The following RASGEF1C variants were observed in gnomAD, a reference collection of about 807,000 sequenced individuals.
RASGEF1C encodes ras-GEF domain-containing family member 1C.
RASGEF1C carries 27 observed loss-of-function variants against 58.1 expected under a neutral mutation model. That is an observed-to-expected ratio of 0.46 (90% confidence interval 0.34 to 0.64). The LOEUF is 0.64. Ranked by LOEUF, RASGEF1C falls within the 30% of genes least tolerant of loss-of-function variation. The pLI is 0.01. For missense variants in RASGEF1C, 502 were observed against 605.1 expected (o/e 0.83, Z 1.79); for synonymous variants, 243 against 246.3 (o/e 0.99, Z 0.13).
intron 1 of RASGEF1C, among the ~76,000 whole-genome samples, chr5:180,206,785 G>A (rs1403705054): frequency 6.6e-6 from 1 of 152,200 alleles, no homozygotes; most frequent in Non-Finnish European, 1.5e-5. Flanking sequence ...CCATGAACTG[G>A]TAAGAAGTTA....
intron 12 of RASGEF1C, among the ~76,000 whole-genome samples, chr5:180,102,918 G>A (rs553657228): frequency 6.6e-5 from 10 of 152,250 alleles, no homozygotes; most frequent in South Asian, 2.1e-4. Context: ...GGAGAATCTC[G>A]TCTCTATCTT....
Position 180,136,398 on chromosome 5 carries a change from GGCCCACGACGTCCTTAAGGT to G in RASGEF1C, c.398_417del (p.His133ProfsTer6). ...CCCACCTCGTCACAGGGGGCGATGC[GGCCCACGACGTCCTTAAGGT>G]GCCCGATAGTCGACTCTTCCTGGAA... is the stretch of plus-strand genomic sequence containing the variant. On this transcript the variant is annotated frameshift_variant, in exon 4 of 14. Coordinates refer to ENST00000361132, the MANE Select transcript of RASGEF1C (RefSeq NM_175062.4). LOFTEE classifies it high-confidence loss of function. The G allele has an allele frequency of 6.4e-7, 1 of 1,558,420 alleles. No individual in the cohort carries two copies. Among genetic ancestry groups the G allele is most frequent in the Non-Finnish European group, 8.7e-7 (1 of 1,151,198 alleles).
intron 1 of RASGEF1C, among the ~76,000 whole-genome samples, chr5:180,176,974 C>G (rs943780414): frequency 2.6e-5 from 4 of 152,222 alleles, no homozygotes; most frequent in Non-Finnish European, 4.4e-5. Flanking sequence ...ATGTCTCCCC[C>G]TGGCATAACC....
intron 12 of RASGEF1C, among the ~76,000 whole-genome samples, chr5:180,109,469 A>G (rs1415235901): frequency 6.6e-6 from 1 of 152,180 alleles, no homozygotes; most frequent in Non-Finnish European, 1.5e-5. Context: ...AAAAAAAATA[A>G]TAATAATAAT....
At chr5:180,183,667 A>G (rs1387698851) in intron 1 of RASGEF1C, among the ~76,000 whole-genome samples, 1 of 152,108 alleles carries the variant, frequency 6.6e-6, no homozygotes, top group African/African-American at 2.4e-5. Flanking sequence ...TCTACTAAAA[A>G]TACAAAATTA....
intron 1 of RASGEF1C, among the ~76,000 whole-genome samples, chr5:180,163,253 C>CTTTTTTT (rs1561747791): frequency 5.9e-4 from 3 of 5,056 alleles, no homozygotes; most frequent in Non-Finnish European, 1.0e-3. Flanking sequence ...TTTTTTTTTT[C>CTTTTTTT]CAGCCTATTG....
chr5:180,117,720 G>A (rs1046843062), intron 10 of RASGEF1C, among the ~76,000 whole-genome samples: 1 of 152,152 alleles, frequency 6.6e-6, no homozygotes, highest in Non-Finnish European at 1.5e-5. Flanking sequence ...GTGGCTGGGC[G>A]CAGTGGCTCA....
At chr5:180,159,958 G>A (rs1467384582) in intron 1 of RASGEF1C, among the ~76,000 whole-genome samples, 2 of 152,210 alleles carry the variant, frequency 1.3e-5, no homozygotes, top group African/African-American at 4.8e-5. Flanking sequence ...CAAGCTTCGA[G>A]CACATTGTTT....
In RASGEF1C at chr5:180,168,037, C is replaced by T. The variant is rs1376299063; in HGVS notation, c.-6-29979G>A. ...GTGTTTTATTTTGTACTATAGTTGT[C>T]AAAGCCTATGATGGGTTAATGCCAT... On this transcript the variant is annotated intron_variant, in intron 1 of 13. Coordinates refer to ENST00000361132, the MANE Select transcript of RASGEF1C (RefSeq NM_175062.4). This position sits in a 1 kb window ranked among gnomAD's most constrained non-coding sequence, Gnocchi z 6.0. Among the ~76,000 whole-genome samples, 1 of 152,116 alleles carries T rather than the reference C, an allele frequency of 6.6e-6. No homozygotes were observed. Among genetic ancestry groups the T allele is most frequent in the Non-Finnish European group, 1.5e-5 (1 of 68,038 alleles).
At chr5:180,109,374 C>T (rs1041151047) in intron 12 of RASGEF1C, among the ~76,000 whole-genome samples, 2 of 152,116 alleles carry the variant, frequency 1.3e-5, no homozygotes, top group Admixed American at 6.5e-5. Context: ...AGGAGAATGT[C>T]GTGAACCCGG....
At chr5:180,202,385 T>C (rs1228005773) in intron 1 of RASGEF1C, among the ~76,000 whole-genome samples, 1 of 152,112 alleles carries the variant, frequency 6.6e-6, no homozygotes. Context: ...AAGACTTAAA[T>C]ATGCATATTC....
At chr5:180,127,335 G>A (rs1275996624) in intron 6 of RASGEF1C, among the ~76,000 whole-genome samples, 2 of 152,194 alleles carry the variant, frequency 1.3e-5, no homozygotes, top group Admixed American at 6.5e-5. Flanking sequence ...GAGCAGCGCG[G>A]CCCACGGCCT....
chr5:180,173,738 C>T (rs1045225537), intron 1 of RASGEF1C, among the ~76,000 whole-genome samples: 69 of 152,124 alleles, frequency 4.5e-4, no homozygotes, highest in Middle Eastern at 3.4e-3. Context: ...CATGGTGAAA[C>T]CCCGTCTCTA....
At chr5:180,153,060 T>C (rs73813820) in intron 1 of RASGEF1C, among the ~76,000 whole-genome samples, 3,483 of 152,294 alleles carry the variant, frequency 0.023, 54 homozygotes, top group African/African-American at 0.036. Flanking sequence ...CATATGTTAC[T>C]GCTTTTGAAT....
chr5:180,153,727 T>C (rs528097132), intron 1 of RASGEF1C, among the ~76,000 whole-genome samples: 2 of 152,378 alleles, frequency 1.3e-5, no homozygotes, highest in Admixed American at 1.3e-4. Flanking sequence ...CTACAATTAA[T>C]GGTAATTTCA....
intron 1 of RASGEF1C, among the ~76,000 whole-genome samples, chr5:180,146,029 G>C (rs1334089793): frequency 6.6e-6 from 1 of 152,168 alleles, no homozygotes; most frequent in African/African-American, 2.4e-5. Context: ...TGTCCTTTGA[G>C]GCACAAATGT....
rs571603077 is a variant in RASGEF1C at position 180,155,418 on chromosome 5, C to T, written c.-6-17360G>A. On this transcript the variant is annotated intron_variant, in intron 1 of 13. Transcript: ENST00000361132. The surrounding 1 kb of genome is among the most constrained non-coding windows in gnomAD (Gnocchi z 5.2). The stretch of plus-strand genomic sequence containing the variant: ...CCTAGGCCGAGCCCAGATCTGCTTG[C>T]GGAGGCTGAGAATGCACCTGGCCTT... Among the ~76,000 whole-genome samples, 1 of 152,270 alleles carries T rather than the reference C, an allele frequency of 6.6e-6. No homozygotes were observed. The highest frequency in any genetic ancestry group is 1.9e-4 in the East Asian group (1 of 5,174).
chr5:180,132,516 G>C (rs988366074), intron 4 of RASGEF1C, among the ~76,000 whole-genome samples: 5 of 152,216 alleles, frequency 3.3e-5, no homozygotes, highest in African/African-American at 1.2e-4. Flanking sequence ...CTGAATAACA[G>C]GCAGAGGTGG....
Position 180,171,728 on chromosome 5 carries a change from G to A in RASGEF1C, c.-6-33670C>T, listed in dbSNP as rs576236044. Among the ~76,000 whole-genome samples, 5 of 152,338 alleles carry A rather than the reference G, an allele frequency of 3.3e-5. No individual in the cohort carries two copies. The South Asian group carries it at 1.0e-3, about 32-fold the overall frequency. On this transcript the variant is annotated intron_variant, in intron 1 of 13. Transcript: ENST00000361132. ...CCACACCTCCTGACAAACACCCTTCGGCACTCTGGAGAACAGCGAATGCGT... is the reference window on the plus strand; with the variant it reads ...CCACACCTCCTGACAAACACCCTTCAGCACTCTGGAGAACAGCGAATGCGT...
Sources: allele counts gnomAD v4.1 joint callset (sites outside exome capture counted in the v4.1 genomes callset), GRCh38; gene constraint gnomAD v4.1.1; non-coding constraint Gnocchi (gnomAD v3.1); transcripts MANE v1.5; gene names NCBI Gene and HGNC (gene_info 2026-07-23, HGNC 2026-07-21).